Variants in P4HA1 observed in about 807,000 individuals in gnomAD.
The protein encoded by P4HA1 is prolyl 4-hydroxylase subunit alpha-1.
In P4HA1, 24 loss-of-function variants were observed where a neutral mutation model predicts 72.8. That is an observed-to-expected ratio of 0.33 (90% CI 0.24 to 0.46). The LOEUF is 0.46. Ranked by LOEUF, P4HA1 falls within the 20% of genes least tolerant of loss-of-function variation. The pLI is 1.00. For missense variants in P4HA1, 446 were observed against 640.6 expected (o/e 0.70, Z 3.28); for synonymous variants, 201 against 218.8 (o/e 0.92, Z 0.72).
chr10:73,063,391 A>AT (rs1841353722), intron 5 of P4HA1, among the ~76,000 whole-genome samples: 1 of 152,180 alleles, frequency 6.6e-6, no homozygotes. Context: ...CTTAAATCCC[A>AT]TTCCTGTAGG....
chr10:73,069,105 A>G (rs1187365248), intron 4 of P4HA1, 122 bp from the exon 5 acceptor site: 6 of 685,120 alleles, frequency 8.8e-6, no homozygotes, highest in Admixed American at 5.7e-5. Flanking sequence ...GAAAAGTTCT[A>G]CATACTCAAC....
rs1327387725 is a variant in P4HA1 at position 73,051,143 on chromosome 10, T to C, written c.810A>G (p.Lys270=). ...KSASDDQSDQ[K]TTPKKKGVAV... ...CAACCCCTTTTTTCTTTGGTGTAGT[T>C]TTCTGATCAGATTGGTCATCTGAAG... Residue 270 remains lysine (K), a synonymous_variant, in exon 7 of 15, where the codon AAA becomes AAG. Coordinates refer to ENST00000394890, the MANE Select transcript of P4HA1 (RefSeq NM_001017962.3). 6.2e-7 allele frequency: 1 copy of C among 1,613,738 alleles called. No individual in the cohort carries two copies. The highest frequency in any genetic ancestry group is 8.5e-7 in the Non-Finnish European group (1 of 1,179,768).
At chr10:73,092,925 C>T (rs1589635955) in intron 1 of P4HA1, among the ~76,000 whole-genome samples, 1 of 151,536 alleles carries the variant, frequency 6.6e-6, no homozygotes, top group Non-Finnish European at 1.5e-5. Flanking sequence ...TCGAGACTAG[C>T]CTGGTCAACA....
chr10:73,063,299 G>A (rs905327850), intron 5 of P4HA1, among the ~76,000 whole-genome samples: 5 of 152,210 alleles, frequency 3.3e-5, no homozygotes, highest in Admixed American at 3.3e-4. Flanking sequence ...ATCCTCCAGA[G>A]GGGAAGAATG....
intron 1 of P4HA1, among the ~76,000 whole-genome samples, chr10:73,087,674 G>A (rs1049202789): frequency 6.6e-6 from 1 of 151,922 alleles, no homozygotes; most frequent in African/African-American, 2.4e-5. Context: ...TTTTTTAATA[G>A]AGATGGGGTC....
rs566696563 is a variant in P4HA1, at chr10:73,072,122, C to T, written c.232G>A (p.Val78Ile). ...TTGAATGCATTTACTGGATGCCCAA[C>T]AAATCCTTCTGGATCTTTTGTCGCT... ...STATKDPEGFVGHPVNAFKLM... is the reference protein window; with the variant it reads ...STATKDPEGFIGHPVNAFKLM... Residue 78 changes from valine to isoleucine, a missense_variant, in exon 4 of 15, where the codon GTT (valine) becomes ATT (isoleucine). By Grantham distance (29) the Val-to-Ile change is conservative. Coordinates refer to ENST00000394890, the MANE Select transcript of P4HA1 (RefSeq NM_001017962.3). 2 of 1,613,358 alleles carry T rather than the reference C, an allele frequency of 1.2e-6. No individual in the cohort carries two copies. Among genetic ancestry groups the T allele is most frequent in the African/African-American group, 1.3e-5 (1 of 75,042 alleles).
chr10:73,031,351 G>C (rs1840428076), intron 9 of P4HA1, among the ~76,000 whole-genome samples: 1 of 152,134 alleles, frequency 6.6e-6, no homozygotes, highest in Non-Finnish European at 1.5e-5. Flanking sequence ...TGGGCATGGT[G>C]GCATGCACCT....
chr10:73,048,960 C>G (rs1840942522), intron 7 of P4HA1, among the ~76,000 whole-genome samples: 1 of 152,022 alleles, frequency 6.6e-6, no homozygotes, highest in Admixed American at 6.6e-5. Flanking sequence ...AGGTGAAACC[C>G]CATCTCTACT....
chr10:73,078,232 C>G (rs146777448), intron 1 of P4HA1, among the ~76,000 whole-genome samples: 1 of 152,050 alleles, frequency 6.6e-6, no homozygotes, highest in African/African-American at 2.4e-5. Context: ...GTAGTTAGCT[C>G]AACAAAAAAT....
intron 7 of P4HA1, among the ~76,000 whole-genome samples, chr10:73,049,137 A>G (rs190859968): frequency 7.4e-6 from 1 of 135,038 alleles, no homozygotes; most frequent in Admixed American, 7.1e-5. Context: ...AAAAGAAAAT[A>G]ATGAGTCTAA....
At chr10:73,046,249 G>C (rs1015275411) in intron 8 of P4HA1, among the ~76,000 whole-genome samples, 1 of 152,098 alleles carries the variant, frequency 6.6e-6, no homozygotes, top group African/African-American at 2.4e-5. Context: ...ATCTCTTTAT[G>C]AAAGTGATGG....
chr10:73,033,324 C>A (rs1476459330), intron 9 of P4HA1, among the ~76,000 whole-genome samples: 1 of 152,158 alleles, frequency 6.6e-6, no homozygotes, highest in Non-Finnish European at 1.5e-5. Flanking sequence ...ATATCTTCAA[C>A]TTCCCTCCCT....
chr10:73,074,850 G>A lies in P4HA1; in HGVS notation c.34C>T (p.Leu12Phe). Residue 12 changes from leucine to phenylalanine, a missense_variant, in exon 2 of 15, where the codon CTT (leucine) becomes TTT (phenylalanine). Coordinates refer to ENST00000394890, the MANE Select transcript of P4HA1 (RefSeq NM_001017962.3). ...CCTGGATGAGCCAAAGACTGGGGAA[G>A]CAGAATTCCTATAATTAATATATAC... Reference protein sequence around the residue: ...IWYILIIGILLPQSLAHPGFF... With the variant: ...IWYILIIGILFPQSLAHPGFF... 6 of 1,563,652 alleles carry A rather than the reference G, an allele frequency of 3.8e-6. No individual in the cohort carries two copies. In the Middle Eastern group the frequency reaches 1.0e-3, roughly 263 times the overall value.
intron 9 of P4HA1, among the ~76,000 whole-genome samples, chr10:73,035,237 G>GAA (rs1172378640): frequency 7.2e-6 from 1 of 138,510 alleles, no homozygotes; most frequent in Admixed American, 7.3e-5. Flanking sequence ...ACTGCTTTTA[G>GAA]AAAAAAAAAA....
chr10:73,053,111 GA>G (rs1412932268), intron 6 of P4HA1, among the ~76,000 whole-genome samples: 1 of 152,118 alleles, frequency 6.6e-6, no homozygotes, highest in Non-Finnish European at 1.5e-5. Context: ...CTTCAATTTT[GA>G]AATTCCTGGA....
At chr10:73,083,128 CAAGTAA>C (rs1161929235) in intron 1 of P4HA1, among the ~76,000 whole-genome samples, 1 of 152,170 alleles carries the variant, frequency 6.6e-6, no homozygotes, top group Non-Finnish European at 1.5e-5. Context: ...TCTTCCAAGA[CAAGTAA>C]GAGTAATTAC....
Position 73,053,600 on chromosome 10 carries a change from G to A in P4HA1, c.464-10C>T, listed in dbSNP as rs199731141. On this transcript the variant is annotated splice_polypyrimidine_tract_variant and intron_variant, in intron 5 of 14. Coordinates refer to ENST00000394890, the MANE Select transcript of P4HA1 (RefSeq NM_001017962.3). ...GATTTGTGTTTCACTCCTATGAAAA[G>A]AAAATACAGAGAACTTTAGGAATCT... 25 of 1,610,804 alleles carry A rather than the reference G, an allele frequency of 1.6e-5. No individual in the cohort carries two copies. In the African/African-American group the frequency reaches 3.2e-4, roughly 21 times the overall value.
intron 9 of P4HA1, among the ~76,000 whole-genome samples, chr10:73,037,514 A>G (rs1840604675): frequency 8.7e-6 from 1 of 115,554 alleles, no homozygotes; most frequent in African/African-American, 3.3e-5. Context: ...TGATTAGCTA[A>G]TCGAAAACCA....
At chr10:73,042,487 C>T (rs1011573671) in intron 9 of P4HA1, among the ~76,000 whole-genome samples, 1 of 151,936 alleles carries the variant, frequency 6.6e-6, no homozygotes, top group Admixed American at 6.6e-5. Flanking sequence ...AATTTAGTTT[C>T]GAATGATTGA....
Sources: allele counts gnomAD v4.1 joint callset (sites outside exome capture counted in the v4.1 genomes callset), GRCh38; gene constraint gnomAD v4.1.1; transcripts MANE v1.5; gene names NCBI Gene and HGNC (gene_info 2026-07-23, HGNC 2026-07-21).